Variants in ABHD16A observed in about 807,000 individuals in gnomAD.
ABHD16A encodes the protein phosphatidylserine lipase ABHD16A.
In ABHD16A, 47 loss-of-function variants were observed where a neutral mutation model predicts 89.8. The ratio of observed to expected loss-of-function variants is 0.52; its 90% confidence interval spans 0.41 to 0.67. The LOEUF (loss-of-function observed/expected upper bound fraction) is 0.67, where lower values mean the gene tolerates loss of function less well. Ranked by LOEUF, ABHD16A falls within the 30% of genes least tolerant of loss-of-function variation. The pLI is 0.00. For synonymous variants in ABHD16A, 251 were observed against 280.4 expected (o/e 0.90, Z 1.05); for missense variants, 580 against 734.6 (o/e 0.79, Z 2.43).
chr6:31,701,129 C>T (rs781023749), intron 3 of ABHD16A, 101 bp from the exon 4 acceptor site: 19 of 1,324,250 alleles, frequency 1.4e-5, no homozygotes, highest in Non-Finnish European at 1.9e-5. Flanking sequence ...CTGTTTGGAA[C>T]AGCCATACCC....
At position 31,687,212 on chromosome 6, in the gene ABHD16A, C is replaced by G; in HGVS notation, c.1677G>C (p.Ter559TyrextTer12). The part of the protein sequence containing the change: ...AQNFQMPWHL[*>Y] ...TTCCATAATGAGTCCCAGTTGGTCC[C>G]TAGAGGTGCCAGGGCATCTGGAAGT... The change falls in exon 20 of 20, where the codon TAG becomes TAC. Residue 559 changes from the stop codon to tyrosine (Y), a stop_lost. Transcript: ENST00000395952. This position sits in a 1 kb window ranked among gnomAD's most constrained non-coding sequence, Gnocchi z 6.3. 1 of 1,612,458 alleles carries G rather than the reference C, an allele frequency of 6.2e-7. No individual in the cohort carries two copies. The highest frequency in any genetic ancestry group is 8.5e-7 in the Non-Finnish European group (1 of 1,179,666).
chr6:31,697,230 C>T (rs548330386), intron 4 of ABHD16A, among the ~76,000 whole-genome samples, 197 bp from the exon 5 acceptor site: 152 of 152,282 alleles, frequency 1.0e-3, no homozygotes, highest in African/African-American at 3.3e-3. Context: ...GGCTACAGGA[C>T]GCTTCTTCTC....
Position 31,690,274 on chromosome 6 carries a change from T to G in ABHD16A, c.908-147A>C. ...AAATAGGAGATGACACCAGAGGTTCTGAGGCAGCACAGGGAGCAGCATGTG... is the reference window on the plus strand; with the variant it reads ...AAATAGGAGATGACACCAGAGGTTCGGAGGCAGCACAGGGAGCAGCATGTG... On this transcript the variant is annotated intron_variant, in intron 10 of 19. Coordinates refer to ENST00000395952, the MANE Select transcript of ABHD16A (RefSeq NM_021160.3). This position sits in a 1 kb window ranked among gnomAD's most constrained non-coding sequence, Gnocchi z 4.1. The G allele has an allele frequency of 2.5e-6, 2 of 785,528 alleles. No homozygotes were observed. Among genetic ancestry groups the G allele is most frequent in the Non-Finnish European group, 4.0e-6 (2 of 496,882 alleles). The allele number at this position is 785,528 out of a possible 1,614,324, so 48.7% of individuals were successfully genotyped here.
At position 31,688,917 on chromosome 6, in the gene ABHD16A, G is replaced by A. The variant is rs1039409651; in HGVS notation, c.1186+98C>T. 12 of 1,413,060 alleles carry A rather than the reference G, an allele frequency of 8.5e-6. No homozygotes were observed. The highest frequency in any genetic ancestry group is 3.7e-5 in the South Asian group (3 of 80,136). 87.5% of individuals were successfully genotyped at this position (1,413,060 alleles called of 1,614,324 possible). ...GTCCTCCTGCTTCCAACAATGGGGC[G>A]ACTTACTCCCCACCCAAGAAAAGGG... On this transcript the variant is annotated intron_variant, in intron 13 of 19. Coordinates refer to ENST00000395952, the MANE Select transcript of ABHD16A (RefSeq NM_021160.3). This position sits in a 1 kb window ranked among gnomAD's most constrained non-coding sequence, Gnocchi z 4.9.
rs707917 is a variant in ABHD16A, at chr6:31,689,977, C to T, written c.957+101G>A. ...GACCCCAGCCCTCAGGTGAGTGGGACGCCTTCAAGAAATCCACAGCCCCTC... is the reference window on the plus strand; with the variant it reads ...GACCCCAGCCCTCAGGTGAGTGGGATGCCTTCAAGAAATCCACAGCCCCTC... On this transcript the variant is annotated intron_variant, in intron 11 of 19. Coordinates refer to ENST00000395952, the MANE Select transcript of ABHD16A (RefSeq NM_021160.3). The T allele has an allele frequency of 2.0e-5, 27 of 1,334,376 alleles. No homozygotes were observed. The South Asian group carries it at 2.3e-4, about 11-fold the overall frequency. 82.7% of individuals were successfully genotyped at this position (1,334,376 alleles called of 1,614,324 possible). A position where few individuals can be genotyped will look rare whatever the true frequency, so the allele number is the denominator to read the frequency against.
chr6:31,690,738 G>T lies in ABHD16A; in HGVS notation c.844-136C>A. The T allele has an allele frequency of 1.3e-6, 1 of 748,184 alleles. No homozygotes were observed. The highest frequency in any genetic ancestry group is 1.5e-5 in the South Asian group (1 of 65,070). 46.3% of individuals were successfully genotyped at this position (748,184 alleles called of 1,614,324 possible). On this transcript the variant is annotated intron_variant, in intron 9 of 19. Coordinates refer to ENST00000395952, the MANE Select transcript of ABHD16A (RefSeq NM_021160.3). The surrounding 1 kb of genome is among the most constrained non-coding windows in gnomAD (Gnocchi z 4.1). ...GGTTTCTGTTTTCTCCAAGGGGAATGGAAGCTTCTCATTCCACAGGGTCCA... is the reference window on the plus strand; with the variant it reads ...GGTTTCTGTTTTCTCCAAGGGGAATTGAAGCTTCTCATTCCACAGGGTCCA...
At position 31,701,006 on chromosome 6, in the gene ABHD16A, C is replaced by T. The variant is rs1804925424; in HGVS notation, c.279G>A (p.Val93=). 6.2e-7 allele frequency: 1 copy of T among 1,613,818 alleles called. No individual in the cohort carries two copies. The highest frequency in any genetic ancestry group is 1.7e-5 in the Admixed American group (1 of 59,980). Residue 93 remains valine (V), a synonymous_variant, in exon 4 of 20, where the codon GTG becomes GTA. Transcript: ENST00000395952. ...YRKGYLSLSK[V]VPFSHYAGTL... is the part of the protein sequence containing the mutation. ...TCCCAGCATAGTGAGAAAACGGCAC[C>T]ACTTTGGACAAACTCAAGTAACCTG...
At chr6:31,701,155 G>T in intron 3 of ABHD16A, 119 bp downstream of exon 3, 1 of 1,327,622 alleles carries the variant, frequency 7.5e-7, no homozygotes, top group Non-Finnish European at 1.1e-6. Context: ...GGAAGAAGAT[G>T]CCTGATGGAA....
At chr6:31,700,069 G>C (rs1804798645) in intron 4 of ABHD16A, among the ~76,000 whole-genome samples, 1 of 151,488 alleles carries the variant, frequency 6.6e-6, no homozygotes, top group African/African-American at 2.4e-5. Context: ...GTTGAGCGTA[G>C]CTACAGTTTG....
Position 31,690,476 on chromosome 6 carries a change from T to G in ABHD16A, c.907+63A>C. On this transcript the variant is annotated intron_variant, in intron 10 of 19. Transcript: ENST00000395952. The surrounding 1 kb of genome is among the most constrained non-coding windows in gnomAD (Gnocchi z 4.1). ...CAGAGGCCAGGGGAGGTCAGGTCAG[T>G]GTGGGAGGCAGGGACATTCCCTTTC... 2 of 1,560,314 alleles carry G rather than the reference T, an allele frequency of 1.3e-6. No homozygotes were observed. The highest frequency in any genetic ancestry group is 8.8e-7 in the Non-Finnish European group (1 of 1,132,380).
chr6:31,687,998 T>C lies in ABHD16A; in HGVS notation c.1370+43A>G. ...TTCCCTGTGCTGGTATCAGTATCTG[T>C]GTGTGTACACTGCCCCCAGCGCGCA... is the stretch of plus-strand genomic sequence containing the variant. On this transcript the variant is annotated intron_variant, in intron 16 of 19. Transcript: ENST00000395952. The surrounding 1 kb of genome is among the most constrained non-coding windows in gnomAD (Gnocchi z 6.3). The C allele has an allele frequency of 6.2e-7, 1 of 1,612,012 alleles. No homozygotes were observed. Among genetic ancestry groups the C allele is most frequent in the Non-Finnish European group, 8.5e-7 (1 of 1,179,242 alleles).
rs375655863 is a variant in ABHD16A, at chr6:31,693,200, G to C, written c.504-51C>G. 5.0e-6 allele frequency: 8 copies of C among 1,597,710 alleles called. No individual in the cohort carries two copies. Among genetic ancestry groups the C allele is most frequent in the Non-Finnish European group, 6.8e-6 (8 of 1,170,616 alleles). ...GGATAGGGTCAGGAGCAGCAAGCTG[G>C]ATGTCTGAGGTCTGGAGAACAGTGG... On this transcript the variant is annotated intron_variant, in intron 6 of 19. Coordinates refer to ENST00000395952, the MANE Select transcript of ABHD16A (RefSeq NM_021160.3). This position sits in a 1 kb window ranked among gnomAD's most constrained non-coding sequence, Gnocchi z 5.0.
chr6:31,691,572 C>T lies in ABHD16A; in HGVS notation c.843+7G>A. ...ACCCCACCTCTGGGCTCTCTGCTCCCTCTTACCAGCTTCTGTCCCTGGGGC... is the reference window on the plus strand; with the variant it reads ...ACCCCACCTCTGGGCTCTCTGCTCCTTCTTACCAGCTTCTGTCCCTGGGGC... On this transcript the variant is annotated splice_region_variant and intron_variant, in intron 9 of 19. Coordinates refer to ENST00000395952, the MANE Select transcript of ABHD16A (RefSeq NM_021160.3). The T allele has an allele frequency of 6.2e-7, 1 of 1,612,866 alleles. No individual in the cohort carries two copies. Among genetic ancestry groups the T allele is most frequent in the South Asian group, 1.1e-5 (1 of 91,008 alleles).
At chr6:31,695,932 G>A (rs1194719170) in intron 5 of ABHD16A, among the ~76,000 whole-genome samples, 4 of 152,040 alleles carry the variant, frequency 2.6e-5, no homozygotes, top group Admixed American at 1.3e-4. Flanking sequence ...TTGGGAGGCC[G>A]AGGCAGGCGG....
chr6:31,687,694 A>G lies in ABHD16A; in HGVS notation c.1494T>C (p.Ser498=). The G allele has an allele frequency of 6.2e-7, 1 of 1,612,886 alleles. No homozygotes were observed. The highest frequency in any genetic ancestry group is 8.5e-7 in the Non-Finnish European group (1 of 1,179,910). The part of the protein sequence containing the change: ...RWEVEEDWCL[S]VLRSYQAEHG... Reference sequence around the variant, plus strand: ...GTTCTGCCTGGTAGGAGCGGAGGACAGACAGACACCAGTCCTCTTCCACCT... The same window carrying G: ...GTTCTGCCTGGTAGGAGCGGAGGACGGACAGACACCAGTCCTCTTCCACCT... The change falls in exon 18 of 20, where the codon TCT becomes TCC. Residue 498 remains serine, a synonymous_variant. Coordinates refer to ENST00000395952, the MANE Select transcript of ABHD16A (RefSeq NM_021160.3). This position sits in a 1 kb window ranked among gnomAD's most constrained non-coding sequence, Gnocchi z 6.3.
Position 31,689,084 on chromosome 6 carries a change from C to T in ABHD16A, c.1117G>A (p.Ala373Thr). 1 of 1,614,080 alleles carries T rather than the reference C, an allele frequency of 6.2e-7. No homozygotes were observed. The highest frequency in any genetic ancestry group is 8.5e-7 in the Non-Finnish European group (1 of 1,179,990). The change falls in exon 13 of 20, where the codon GCC becomes ACC. Residue 373 changes from alanine to threonine, a missense_variant. Ala to Thr is a moderately conservative substitution (Grantham distance 58, BLOSUM62 0). Transcript: ENST00000395952. ...WAAMSYPDVSAMILDASFDDL... is the reference protein window; with the variant it reads ...WAAMSYPDVSTMILDASFDDL... ...TCAAAGGAGGCATCCAGGATCATGG[C>T]ACTAACATCTGGGTAGGACATGGCT... is the stretch of plus-strand genomic sequence containing the variant.
intron 4 of ABHD16A, among the ~76,000 whole-genome samples, chr6:31,700,129 CTTTTT>C (rs550587908): frequency 7.2e-6 from 1 of 139,764 alleles, no homozygotes; most frequent in African/African-American, 2.6e-5. Flanking sequence ...TTGCATGGAA[CTTTTT>C]TTTTTTTTTG....
intron 7 of ABHD16A, 66 bp from the exon 8 acceptor site, chr6:31,691,984 C>G: frequency 1.5e-6 from 2 of 1,293,734 alleles, no homozygotes; most frequent in Non-Finnish European, 2.1e-6. Context: ...TGGGGACCAT[C>G]CCAGCCCTAG....
chr6:31,687,614 C>A lies in ABHD16A; in HGVS notation c.1546+28G>T, dbSNP rs1033193502. 2.5e-6 allele frequency: 4 copies of A among 1,612,946 alleles called. No individual in the cohort carries two copies. Among genetic ancestry groups the A allele is most frequent in the Middle Eastern group, 1.6e-4 (1 of 6,062 alleles). On this transcript the variant is annotated intron_variant, in intron 18 of 19. Transcript: ENST00000395952. The surrounding 1 kb of genome is among the most constrained non-coding windows in gnomAD (Gnocchi z 6.3). Reference sequence around the variant, plus strand: ...CATCCCCTTCCTAGGCCCTTCCCACCCTCTCTCCTGCCCCAGGAGCTCCTT... The same window carrying A: ...CATCCCCTTCCTAGGCCCTTCCCACACTCTCTCCTGCCCCAGGAGCTCCTT...
Sources: allele counts gnomAD v4.1 joint callset (sites outside exome capture counted in the v4.1 genomes callset), GRCh38; gene constraint gnomAD v4.1.1; non-coding constraint Gnocchi (gnomAD v3.1); transcripts MANE v1.5; gene names NCBI Gene and HGNC (gene_info 2026-07-23, HGNC 2026-07-21).